Variants in FGD4 observed in about 807,000 individuals in gnomAD.
FGD4 encodes the protein FYVE, RhoGEF and PH domain containing 4.
A neutral mutation model predicts 102.0 loss-of-function variants in FGD4; 42 were observed. The observed-to-expected ratio is 0.41, with a 90% CI of 0.32 to 0.53. The LOEUF is 0.53. Among genes scored for constraint, FGD4 ranks in the 20% least tolerant of loss-of-function variants. The pLI is 0.21. For missense variants in FGD4, 902 were observed against 1,078.2 expected (o/e 0.84, Z 2.29); for synonymous variants, 380 against 375.7 (o/e 1.01, Z -0.13).
At chr12:32,599,551 T>TTC (rs1565890111) in intron 5 of FGD4, among the ~76,000 whole-genome samples, 1 of 60,210 alleles carries the variant, frequency 1.7e-5, no homozygotes, top group Non-Finnish European at 2.9e-5. Flanking sequence ...TTTTTTTTTT[T>TTC]TTTTTTTTTT....
rs59676286 is a variant in FGD4 at position 32,407,972 on chromosome 12, CTTTATTTATTTATTTA to C, written c.166+8038_166+8053del. Among the ~76,000 whole-genome samples the C allele has an allele frequency of 9.7e-3, 1,412 of 145,626 alleles. 19 individuals carry two copies. Among genetic ancestry groups the C allele is most frequent in the Non-Finnish European group, 0.012 (793 of 66,788 alleles). Reference sequence around the variant, plus strand: ...TCACCCCCAATGAGGTAATCCTAGACTTTATTTATTTATTTATTTATTTATTTATTTATTTATTTAG... The same window carrying C: ...TCACCCCCAATGAGGTAATCCTAGACTTTATTTATTTATTTATTTATTTAG... On this transcript the variant is annotated intron_variant, in intron 1 of 16. Coordinates refer to ENST00000534526, the MANE Select transcript of FGD4 (RefSeq NM_001370298.3).
At chr12:32,430,167 G>T (rs896216812) in intron 1 of FGD4, among the ~76,000 whole-genome samples, 1 of 152,106 alleles carries the variant, frequency 6.6e-6, no homozygotes, top group East Asian at 1.9e-4. Context: ...AATTAGCCGG[G>T]TGTGGTAGCA....
intron 1 of FGD4, among the ~76,000 whole-genome samples, chr12:32,466,024 C>A: frequency 6.6e-6 from 1 of 152,144 alleles, no homozygotes. Flanking sequence ...GCAATCCTCC[C>A]ACCTCGGCCT....
At chr12:32,434,953 T>C (rs1424404899) in intron 1 of FGD4, among the ~76,000 whole-genome samples, 2 of 152,168 alleles carry the variant, frequency 1.3e-5, no homozygotes, top group Non-Finnish European at 2.9e-5. Context: ...TCTTTTCTTT[T>C]TTTTTTCTTT....
chr12:32,405,881 T>TC (rs1319036960), intron 1 of FGD4, among the ~76,000 whole-genome samples: 3 of 152,054 alleles, frequency 2.0e-5, no homozygotes, highest in African/African-American at 7.3e-5. Context: ...CTTTTTTTTT[T>TC]CAAATACGCA....
chr12:32,571,683 A>G, intron 2 of FGD4, among the ~76,000 whole-genome samples: 1 of 152,168 alleles, frequency 6.6e-6, no homozygotes, highest in Non-Finnish European at 1.5e-5. Context: ...GAAGAGTCAG[A>G]TAAGCCTTCT....
intron 4 of FGD4, among the ~76,000 whole-genome samples, chr12:32,585,188 C>A (rs1035105726): frequency 8.2e-5 from 12 of 146,554 alleles, no homozygotes; most frequent in Admixed American, 2.1e-4. Context: ...GCGCTCCAGG[C>A]TAGGTGACAG....
chr12:32,585,013 G>C (rs943721842), intron 4 of FGD4, among the ~76,000 whole-genome samples: 4 of 151,664 alleles, frequency 2.6e-5, no homozygotes, highest in Admixed American at 6.6e-5. Flanking sequence ...TTGAGTCCAG[G>C]AGTTGGAGAC....
At chr12:32,633,412 T>C (rs371829789) in intron 14 of FGD4, 137 bp from the exon 15 acceptor site, 30 of 866,988 alleles carry the variant, frequency 3.5e-5, no homozygotes, top group Non-Finnish European at 1.8e-5. Context: ...TTCTAGTGTT[T>C]ATAGGGATGT....
chr12:32,435,965 CT>C (rs1349263592), intron 1 of FGD4, among the ~76,000 whole-genome samples: 2 of 152,166 alleles, frequency 1.3e-5, no homozygotes, highest in Admixed American at 6.5e-5. Flanking sequence ...AAGCTTGCTC[CT>C]TAGGGACTTT....
chr12:32,469,137 T>A (rs1943347438), intron 1 of FGD4, among the ~76,000 whole-genome samples: 1 of 152,086 alleles, frequency 6.6e-6, no homozygotes, highest in South Asian at 2.1e-4. Flanking sequence ...ATTCTGGTGG[T>A]TTCTATCGGA....
At chr12:32,570,240 C>CAAAAA (rs150913094) in intron 2 of FGD4, among the ~76,000 whole-genome samples, 42 of 67,418 alleles carry the variant, frequency 6.2e-4, no homozygotes, top group African/African-American at 6.7e-4. Context: ...GACGCTGTCT[C>CAAAAA]AAAAAAAAAA....
intron 1 of FGD4, among the ~76,000 whole-genome samples, chr12:32,497,584 C>T (rs1207189575): frequency 6.6e-6 from 1 of 152,090 alleles, no homozygotes; most frequent in Non-Finnish European, 1.5e-5. Flanking sequence ...GTTTCATAGT[C>T]ACAGGCACCG....
At chr12:32,535,172 G>A (rs1024079070) in intron 1 of FGD4, among the ~76,000 whole-genome samples, 2 of 152,168 alleles carry the variant, frequency 1.3e-5, no homozygotes, top group South Asian at 4.1e-4. Flanking sequence ...GGAAATGTCT[G>A]CTAAAAATAT....
intron 4 of FGD4, among the ~76,000 whole-genome samples, chr12:32,593,995 T>TC: frequency 6.6e-6 from 1 of 152,276 alleles, no homozygotes; most frequent in East Asian, 1.9e-4. Context: ...GGTACCAGGA[T>TC]CTGGTGGTAG....
At chr12:32,410,931 C>CTTT (rs747780109) in intron 1 of FGD4, among the ~76,000 whole-genome samples, 29 of 126,896 alleles carry the variant, frequency 2.3e-4, no homozygotes, top group African/African-American at 5.8e-4. Context: ...TTTTTTTTTT[C>CTTT]TTTTTTTTTT....
rs188191010 is a variant in FGD4 at position 32,482,416 on chromosome 12, T to A, written c.167-81721T>A. 5.3e-5 allele frequency among the ~76,000 whole-genome samples: 8 copies of A among 152,362 alleles called. No individual in the cohort carries two copies. The East Asian group carries it at 1.3e-3, about 26-fold the overall frequency. On this transcript the variant is annotated intron_variant, in intron 1 of 16. Coordinates refer to ENST00000534526, the MANE Select transcript of FGD4 (RefSeq NM_001370298.3). ...CTTACCATTGAAGAGGAAGTGTGGTTTAGCAACCAGACCTTAAACCAAAAT... is the reference window on the plus strand; with the variant it reads ...CTTACCATTGAAGAGGAAGTGTGGTATAGCAACCAGACCTTAAACCAAAAT...
rs761207409 is a variant in FGD4, at chr12:32,607,984, T to C, written c.1432T>C (p.Leu478=). ...QKQKICGSLT[L]QHHMLEPVQR... ...ACAGAAAATCTGTGGGAGCTTAACT[T>C]TGCAGCATCACATGCTAGAACCTGT... Residue 478 remains leucine, a synonymous_variant, in exon 8 of 17, where the codon TTG becomes CTG. Coordinates refer to ENST00000534526, the MANE Select transcript of FGD4 (RefSeq NM_001370298.3). The C allele has an allele frequency of 6.2e-7, 1 of 1,614,248 alleles. No individual in the cohort carries two copies. Among genetic ancestry groups the C allele is most frequent in the Non-Finnish European group, 8.5e-7 (1 of 1,180,040 alleles).
chr12:32,521,143 C>T (rs1363193570), intron 1 of FGD4, among the ~76,000 whole-genome samples: 1 of 151,976 alleles, frequency 6.6e-6, no homozygotes, highest in African/African-American at 2.4e-5. Flanking sequence ...AATCCCAGCA[C>T]TTTGGGAGTC....
Sources: allele counts gnomAD v4.1 joint callset (sites outside exome capture counted in the v4.1 genomes callset), GRCh38; gene constraint gnomAD v4.1.1; transcripts MANE v1.5; gene names NCBI Gene and HGNC (gene_info 2026-07-23, HGNC 2026-07-21).